The following GALNTL6 variants were observed in gnomAD, a reference collection of about 807,000 sequenced individuals.
GALNTL6 encodes the protein polypeptide N-acetylgalactosaminyltransferase-like 6.
In GALNTL6, 46 loss-of-function variants were observed where a neutral mutation model predicts 73.7. The ratio of observed to expected loss-of-function variants is 0.62; its 90% CI spans 0.49 to 0.80. The LOEUF is 0.80. Among genes scored for constraint, GALNTL6 ranks in the 30% least tolerant of loss-of-function variants. GALNTL6 has a pLI of 0.00. For missense variants in GALNTL6, 604 were observed against 755.0 expected, an observed-to-expected ratio of 0.80 and a Z score of 2.34; for synonymous variants, 259 against 263.7, an observed-to-expected ratio of 0.98 and a Z score of 0.17.
intron 2 of GALNTL6, among the ~76,000 whole-genome samples, chr4:171,836,861 G>A (rs912867480): frequency 3.3e-5 from 5 of 152,102 alleles, no homozygotes; most frequent in Admixed American, 6.6e-5. Context: ...CTTCATTATA[G>A]AAGAGAGTTA....
At chr4:172,061,811 A>G (rs1398193617) in intron 2 of GALNTL6, among the ~76,000 whole-genome samples, 3 of 152,090 alleles carry the variant, frequency 2.0e-5, no homozygotes, top group Non-Finnish European at 4.4e-5. Flanking sequence ...CTGCTTCCAA[A>G]TGCATCCACC....
chr4:171,928,787 G>C (rs894909875), intron 2 of GALNTL6, among the ~76,000 whole-genome samples: 5 of 152,144 alleles, frequency 3.3e-5, no homozygotes, highest in Non-Finnish European at 5.9e-5. Context: ...CAGGCTTGTA[G>C]GCTAGGAGCA....
rs181031608 is a variant in GALNTL6 at position 172,569,994 on chromosome 4, A to G, written c.553+221305A>G. The stretch of plus-strand genomic sequence containing the variant: ...AGGAAGGAGGGGCTGGTGGTATTTT[A>G]TTTCTCTAATAAGTCCAGTCTTCAC... On this transcript the variant is annotated intron_variant, in intron 5 of 12. Coordinates refer to ENST00000506823, the MANE Select transcript of GALNTL6 (RefSeq NM_001034845.3). 3.5e-3 allele frequency among the ~76,000 whole-genome samples: 532 copies of G among 152,282 alleles called. 2 individuals are homozygous for G. Among genetic ancestry groups the G allele is most frequent in the Middle Eastern group, 6.8e-3 (2 of 294 alleles).
intron 2 of GALNTL6, among the ~76,000 whole-genome samples, chr4:171,933,437 G>A (rs947836227): frequency 6.6e-6 from 1 of 151,848 alleles, no homozygotes; most frequent in East Asian, 1.9e-4. Context: ...TTCTATTGTT[G>A]TCTTTACTAC....
intron 2 of GALNTL6, among the ~76,000 whole-genome samples, chr4:172,044,706 CT>C (rs1488163324): frequency 1.3e-5 from 2 of 151,814 alleles, no homozygotes; most frequent in Admixed American, 6.6e-5. Flanking sequence ...TTATTAGACT[CT>C]CTAGAGTTAT....
intron 7 of GALNTL6, among the ~76,000 whole-genome samples, chr4:172,880,690 A>C (rs566071552): frequency 1.3e-5 from 2 of 152,286 alleles, no homozygotes; most frequent in South Asian, 4.1e-4. Flanking sequence ...TCACGGGCAA[A>C]TATGAGTAAA....
intron 5 of GALNTL6, among the ~76,000 whole-genome samples, chr4:172,401,953 GGAGA>G (rs70944407): frequency 1.1e-3 from 98 of 92,204 alleles, no homozygotes; most frequent in South Asian, 5.3e-3. Flanking sequence ...GGGGGAGGGG[GGAGA>G]GAGAGAGAGA....
At chr4:172,723,958 G>A (rs1005879730) in intron 5 of GALNTL6, among the ~76,000 whole-genome samples, 8 of 152,178 alleles carry the variant, frequency 5.3e-5, no homozygotes, top group African/African-American at 9.6e-5. Context: ...GATAATAATC[G>A]TACTTACTTC....
chr4:171,862,916 T>C (rs1735873398), intron 2 of GALNTL6, among the ~76,000 whole-genome samples: 1 of 152,194 alleles, frequency 6.6e-6, no homozygotes, highest in Admixed American at 6.5e-5. Flanking sequence ...TATAAGTGAA[T>C]ACTTCAAAGT....
intron 2 of GALNTL6, among the ~76,000 whole-genome samples, chr4:172,195,486 T>C (rs2110888470): frequency 6.6e-6 from 1 of 152,340 alleles, no homozygotes; most frequent in Non-Finnish European, 1.5e-5. Flanking sequence ...ATATAAATTC[T>C]TCTTGGTACC....
At chr4:171,936,459 AT>A (rs1487214412) in intron 2 of GALNTL6, among the ~76,000 whole-genome samples, 1 of 152,152 alleles carries the variant, frequency 6.6e-6, no homozygotes, top group Admixed American at 6.6e-5. Flanking sequence ...GGCCAAGAAC[AT>A]TTTTGTAAGA....
At chr4:172,551,636 C>T (rs79639885) in intron 5 of GALNTL6, among the ~76,000 whole-genome samples, 1 of 152,106 alleles carries the variant, frequency 6.6e-6, no homozygotes, top group Non-Finnish European at 1.5e-5. Context: ...TTTGTGGACA[C>T]TCCATAGGAT....
chr4:172,139,973 A>G (rs1365247985), intron 2 of GALNTL6, among the ~76,000 whole-genome samples: 2 of 150,800 alleles, frequency 1.3e-5, no homozygotes, highest in African/African-American at 4.9e-5. Context: ...GTGTTCAACA[A>G]GTACTTATTA....
At position 172,069,486 on chromosome 4, in the gene GALNTL6, C is replaced by CAT. The variant is rs527461143; in HGVS notation, c.139-160169_139-160168insTA. 2.7e-3 allele frequency among the ~76,000 whole-genome samples: 87 copies of CAT among 32,518 alleles called. 17 individuals carry two copies. In the South Asian group the frequency reaches 0.046, roughly 17 times the overall value. 21.3% of individuals were successfully genotyped at this position (32,518 alleles called of 152,430 possible). On this transcript the variant is annotated intron_variant, in intron 2 of 12. Coordinates refer to ENST00000506823, the MANE Select transcript of GALNTL6 (RefSeq NM_001034845.3). The stretch of plus-strand genomic sequence containing the variant: ...CATATAACATATATGTTATATATAA[C>CAT]ACATATGTTATATGTATAACACATA...
chr4:172,302,665 A>C (rs567154052), intron 3 of GALNTL6, among the ~76,000 whole-genome samples: 1 of 152,354 alleles, frequency 6.6e-6, no homozygotes, highest in South Asian at 2.1e-4. Flanking sequence ...GTTTTCTAAA[A>C]AATTTGTATA....
intron 4 of GALNTL6, among the ~76,000 whole-genome samples, chr4:172,327,609 G>A (rs1308564141): frequency 1.3e-5 from 2 of 151,980 alleles, no homozygotes; most frequent in East Asian, 3.9e-4. Flanking sequence ...GGGATACTTG[G>A]TTGTTGTTGA....
At chr4:172,605,205 A>T (rs1031678710) in intron 5 of GALNTL6, among the ~76,000 whole-genome samples, 1 of 152,182 alleles carries the variant, frequency 6.6e-6, no homozygotes, top group Non-Finnish European at 1.5e-5. Context: ...TGCCTGGTGA[A>T]CTTAAACATA....
At chr4:172,965,008 C>T (rs1488082429) in intron 10 of GALNTL6, among the ~76,000 whole-genome samples, 2 of 152,224 alleles carry the variant, frequency 1.3e-5, no homozygotes, top group Non-Finnish European at 2.9e-5. Context: ...TGCCTCTGCC[C>T]TTTAAGTGCT....
intron 2 of GALNTL6, among the ~76,000 whole-genome samples, chr4:172,052,787 C>CT (rs1396151637): frequency 2.0e-5 from 3 of 152,054 alleles, no homozygotes; most frequent in Admixed American, 2.0e-4. Context: ...TTCAGAAAAC[C>CT]TTTTTTCTCA....
Sources: gnomAD v4.1 joint callset for allele counts (sites outside exome capture counted in the v4.1 genomes callset) on GRCh38, gnomAD v4.1.1 for gene constraint, MANE v1.5 for transcripts, NCBI Gene and HGNC (gene_info 2026-07-23, HGNC 2026-07-21) for gene names.